The following HMCN1 variants were observed in gnomAD, a reference collection of about 807,000 sequenced individuals.
HMCN1 encodes the protein hemicentin 1.
Under a neutral mutation model 625.9 loss-of-function variants are expected in HMCN1, and 321 were observed. The observed-to-expected ratio is 0.51, with a 90% confidence interval of 0.47 to 0.56. The LOEUF (loss-of-function observed/expected upper bound fraction) is 0.56. HMCN1 is among the 20% of genes least tolerant of loss of function. HMCN1 has a pLI of 0.00. For missense variants in HMCN1, 6,588 were observed against 6,887.3 expected, an observed-to-expected ratio of 0.96 and a Z score of 1.54; for synonymous variants, 2,425 against 2,417.6, an observed-to-expected ratio of 1.00 and a Z score of -0.09.
At chr1:186,094,006 T>G (rs1659990878) in intron 66 of HMCN1, among the ~76,000 whole-genome samples, 1 of 152,094 alleles carries the variant, frequency 6.6e-6, no homozygotes, top group Admixed American at 6.6e-5. Context: ...GATTTTCATG[T>G]TAGCAGCATT....
chr1:185,957,302 G>T (rs969555930), intron 11 of HMCN1, among the ~76,000 whole-genome samples: 2 of 152,154 alleles, frequency 1.3e-5, no homozygotes, highest in Non-Finnish European at 2.9e-5. Context: ...GAAACAAAAT[G>T]TGAGTGAGTT....
At chr1:186,116,879 C>A in intron 75 of HMCN1, 115 bp from the exon 76 acceptor site, 1 of 1,200,042 alleles carries the variant, frequency 8.3e-7, no homozygotes, top group Non-Finnish European at 1.2e-6. Flanking sequence ...TTAATTTTAA[C>A]ATGAGGGAAG....
At position 185,766,888 on chromosome 1, in the gene HMCN1, C is replaced by G. The variant is rs192802365; in HGVS notation, c.268+31841C>G. On this transcript the variant is annotated intron_variant, in intron 1 of 106. Transcript: ENST00000271588. The stretch of plus-strand genomic sequence containing the variant: ...ACACAACTTAAGGTTTCATAATTGT[C>G]AGACAGATTATAAAACAAAACCCTC... Among the ~76,000 whole-genome samples, 116 of 151,592 alleles carry G rather than the reference C, an allele frequency of 7.7e-4. 1 individual carries two copies. The highest frequency in any genetic ancestry group is 4.2e-4 in the South Asian group (2 of 4,754).
At chr1:185,979,373 G>GTGA (rs1376303164) in intron 16 of HMCN1, among the ~76,000 whole-genome samples, 1 of 152,158 alleles carries the variant, frequency 6.6e-6, no homozygotes, top group African/African-American at 2.4e-5. Context: ...AGCTCAAAGA[G>GTGA]TGATGATGAG....
At position 186,055,503 on chromosome 1, in the gene HMCN1, A is replaced by ATC; in HGVS notation, c.6973_6974insTC (p.Thr2325IlefsTer4). The ATC allele has an allele frequency of 1.2e-6, 2 of 1,612,990 alleles. No homozygotes were observed. The highest frequency in any genetic ancestry group is 1.7e-6 in the Non-Finnish European group (2 of 1,179,324). On this transcript the variant is annotated frameshift_variant, in exon 45 of 107. Coordinates refer to ENST00000271588, the MANE Select transcript of HMCN1 (RefSeq NM_031935.3). LOFTEE classifies it high-confidence loss of function. Reference sequence around the variant, plus strand: ...GCAGGGTATTCCACCACCAACAGTGACCTGGATGAAAGATGGCCACCCCTT... The same window carrying ATC: ...GCAGGGTATTCCACCACCAACAGTGATCCCTGGATGAAAGATGGCCACCCCTT...
intron 1 of HMCN1, among the ~76,000 whole-genome samples, chr1:185,751,453 T>A (rs982416615): frequency 6.6e-6 from 1 of 152,164 alleles, no homozygotes; most frequent in Admixed American, 6.5e-5. Context: ...TCTTCCTATT[T>A]CTGCAGTGCC....
At chr1:186,079,275 G>A (rs1343009823) in intron 55 of HMCN1, among the ~76,000 whole-genome samples, 1 of 152,236 alleles carries the variant, frequency 6.6e-6, no homozygotes, top group East Asian at 1.9e-4. Context: ...GCTCTCTCTT[G>A]CAGTGTTAGC....
At chr1:186,075,407 A>G (rs1658750478) in intron 53 of HMCN1, among the ~76,000 whole-genome samples, 2 of 152,142 alleles carry the variant, frequency 1.3e-5, no homozygotes, top group Admixed American at 1.3e-4. Flanking sequence ...ATGTAAAAAT[A>G]AAAACAAGCA....
chr1:185,843,412 T>G (rs1661613164), intron 1 of HMCN1, among the ~76,000 whole-genome samples: 1 of 152,186 alleles, frequency 6.6e-6, no homozygotes, highest in Non-Finnish European at 1.5e-5. Flanking sequence ...CTGGATTACC[T>G]TTGAGAGTTC....
rs1451539393 is a variant in HMCN1, at chr1:185,952,365, AAGGG to A, written c.1829-10150_1829-10147del. Among the ~76,000 whole-genome samples, 193 of 151,306 alleles carry A rather than the reference AAGGG, an allele frequency of 1.3e-3. 4 individuals are homozygous for A. Among genetic ancestry groups the A allele is most frequent in the African/African-American group, 4.3e-3 (177 of 40,958 alleles). The stretch of plus-strand genomic sequence containing the variant: ...CCTGGAGAGGAGCAGCCTGGGGAGG[AAGGG>A]AGAGGTCAGATGGGTCTGTAGAAAA... On this transcript the variant is annotated intron_variant, in intron 11 of 106. Transcript: ENST00000271588.
chr1:186,129,954 T>G lies in HMCN1; in HGVS notation c.12905-12T>G. On this transcript the variant is annotated splice_polypyrimidine_tract_variant and intron_variant, in intron 83 of 106. Transcript: ENST00000271588. ...ACTGAGAGGCACTTGTGTTGTTTCT[T>G]GTTTCCCTCAGCCCACTTTGACAGT... 1.9e-6 allele frequency: 3 copies of G among 1,612,644 alleles called. No homozygotes were observed. Among genetic ancestry groups the G allele is most frequent in the Non-Finnish European group, 2.5e-6 (3 of 1,178,962 alleles).
intron 42 of HMCN1, among the ~76,000 whole-genome samples, chr1:186,051,762 C>T (rs1017550061): frequency 7.2e-5 from 11 of 151,858 alleles, no homozygotes; most frequent in South Asian, 2.1e-4. Flanking sequence ...GTAGAGAAGT[C>T]GGTAAACAGA....
intron 81 of HMCN1, 132 bp downstream of exon 81, chr1:186,123,352 T>A: frequency 9.5e-7 from 1 of 1,050,846 alleles, no homozygotes; most frequent in Non-Finnish European, 1.4e-6. Flanking sequence ...GGGGGTGTGG[T>A]GTGTAGGTGC....
At chr1:185,934,875 G>A (rs576841358) in intron 11 of HMCN1, among the ~76,000 whole-genome samples, 2 of 152,304 alleles carry the variant, frequency 1.3e-5, no homozygotes, top group South Asian at 4.1e-4. Context: ...AAACTACCAT[G>A]AGAATTAACA....
At chr1:185,881,046 G>A (rs1268659072) in intron 4 of HMCN1, among the ~76,000 whole-genome samples, 1 of 152,222 alleles carries the variant, frequency 6.6e-6, no homozygotes, top group Non-Finnish European at 1.5e-5. Context: ...AGTCCCAGAA[G>A]GCATGTTACA....
chr1:186,089,300 C>T (rs1460590868), intron 63 of HMCN1, among the ~76,000 whole-genome samples: 1 of 151,980 alleles, frequency 6.6e-6, no homozygotes, highest in Non-Finnish European at 1.5e-5. Flanking sequence ...CAGTAAACCT[C>T]TGATTATTAC....
intron 4 of HMCN1, among the ~76,000 whole-genome samples, chr1:185,879,213 C>T (rs1052042895): frequency 6.6e-6 from 1 of 152,200 alleles, no homozygotes; most frequent in Non-Finnish European, 1.5e-5. Context: ...CTCTGTTGCA[C>T]AGGCTAGAGT....
At chr1:186,039,376 A>G (rs1190266164) in intron 38 of HMCN1, among the ~76,000 whole-genome samples, 1 of 152,060 alleles carries the variant, frequency 6.6e-6, no homozygotes, top group Non-Finnish European at 1.5e-5. Context: ...ACTACAGTGG[A>G]TGCAGTGAAG....
At chr1:186,096,933 T>A (rs544373350) in intron 68 of HMCN1, among the ~76,000 whole-genome samples, 17 of 152,236 alleles carry the variant, frequency 1.1e-4, no homozygotes, top group Admixed American at 2.6e-4. Context: ...ACAGCTAACA[T>A]CACACTAAAC....
Sources: allele counts gnomAD v4.1 joint callset (sites outside exome capture counted in the v4.1 genomes callset), GRCh38; gene constraint gnomAD v4.1.1; transcripts MANE v1.5; gene names NCBI Gene and HGNC (gene_info 2026-07-23, HGNC 2026-07-21).